ZNF695: variants seen among roughly 807,000 people sequenced by gnomAD.
ZNF695 encodes zinc finger protein 695, also known as zinc finger protein SBZF3.
In ZNF695, 11 loss-of-function variants were observed where a neutral mutation model predicts 11.2. The ratio of observed to expected loss-of-function variants is 0.98; its 90% CI spans 0.62 to 1.62. The LOEUF (loss-of-function observed/expected upper bound fraction) is 1.62, where lower values mean the gene tolerates loss of function less well. Among genes scored for constraint, ZNF695 ranks in the 40% most tolerant of loss-of-function variants. The pLI is 0.00. For missense variants in ZNF695, 559 were observed against 590.5 expected (o/e 0.95, Z 0.55); for synonymous variants, 190 against 201.4 (o/e 0.94, Z 0.48).
At chr1:246,982,392 G>C (rs900236239), downstream of ZNF695, among the ~76,000 whole-genome samples, 3 of 151,788 alleles carry the variant, frequency 2.0e-5, no homozygotes, top group African/African-American at 7.3e-5. Flanking sequence ...TGTGCTGTAA[G>C]TGTTTCATAG....
At chr1:246,952,520 G>C (rs1236879351) in intron 5 of ZNF695, among the ~76,000 whole-genome samples, 2 of 150,542 alleles carry the variant, frequency 1.3e-5, no homozygotes, top group African/African-American at 2.4e-5. Context: ...TGAATGACTA[G>C]AATAAATAAT....
intron 5 of ZNF695, among the ~76,000 whole-genome samples, chr1:246,950,650 CAAA>C (rs200143022): frequency 2.8e-3 from 297 of 105,364 alleles, no homozygotes; most frequent in African/African-American, 0.011. Flanking sequence ...AACTCCGTTT[CAAA>C]AAAAAAAAAA....
chr1:246,968,819 A>G (rs1436736292), intron 4 of ZNF695: 2 of 152,566 alleles, frequency 1.3e-5, no homozygotes, highest in Non-Finnish European at 2.9e-5. Flanking sequence ...AACCTGAAAC[A>G]TATCTGGAGT....
At chr1:246,949,373 C>T (rs571886118) in intron 5 of ZNF695, among the ~76,000 whole-genome samples, 141 of 152,156 alleles carry the variant, frequency 9.3e-4, no homozygotes, top group Admixed American at 3.7e-3. Flanking sequence ...GGCAGCTCAT[C>T]TGAGGTCAGG....
chr1:246,994,620 G>A (rs890661048), intron 3 of ZNF695, among the ~76,000 whole-genome samples: 13 of 152,086 alleles, frequency 8.5e-5, no homozygotes, highest in Middle Eastern at 6.8e-3. Context: ...GGCGGATCAC[G>A]AGGTCAGGAG....
chr1:246,998,510 T>C (rs550500724), intron 3 of ZNF695, among the ~76,000 whole-genome samples: 2 of 152,230 alleles, frequency 1.3e-5, no homozygotes, highest in African/African-American at 4.8e-5. Flanking sequence ...AGTCTTCTGA[T>C]AAAATTACTA....
chr1:246,945,633 T>A (rs528805814), downstream of ZNF695: 11 of 674,882 alleles, frequency 1.6e-5, no homozygotes, highest in Non-Finnish European at 2.5e-5. Flanking sequence ...AAAACCAACA[T>A]GGAAGAACAA....
At chr1:246,958,252 G>A (rs1668055637) in intron 5 of ZNF695, among the ~76,000 whole-genome samples, 1 of 151,916 alleles carries the variant, frequency 6.6e-6, no homozygotes, top group Non-Finnish European at 1.5e-5. Context: ...TAGAGACAGG[G>A]TTTCACCATG....
intron 4 of ZNF695, chr1:246,969,280 T>C (rs777489245): frequency 6.6e-6 from 1 of 152,386 alleles, no homozygotes; most frequent in African/African-American, 2.4e-5. Context: ...ATACCCTAAA[T>C]CATCTCTCTC....
At chr1:246,997,577 T>G (rs1422141531) in intron 3 of ZNF695, among the ~76,000 whole-genome samples, 1 of 151,728 alleles carries the variant, frequency 6.6e-6, no homozygotes, top group Non-Finnish European at 1.5e-5. Context: ...GTAAAATCAA[T>G]AGAAATAAAA....
intron 5 of ZNF695, among the ~76,000 whole-genome samples, chr1:246,951,011 T>TGAC (rs1272036577): frequency 6.6e-6 from 1 of 152,208 alleles, no homozygotes; most frequent in Admixed American, 6.5e-5. Context: ...AACAAAGGTA[T>TGAC]GACTTCATGT....
intron 3 of ZNF695, among the ~76,000 whole-genome samples, chr1:246,995,027 A>G (rs1052829951): frequency 6.6e-6 from 1 of 152,166 alleles, no homozygotes; most frequent in Non-Finnish European, 1.5e-5. Flanking sequence ...ACAGAAATGA[A>G]GCAACAAGTA....
intron 3 of ZNF695, among the ~76,000 whole-genome samples, chr1:246,998,528 C>T (rs1056548333): frequency 1.3e-5 from 2 of 152,166 alleles, no homozygotes; most frequent in Non-Finnish European, 2.9e-5. Flanking sequence ...CTATCAATTT[C>T]TGTAGAATCA....
chr1:246,945,738 T>C lies in ZNF695; in HGVS notation c.*59A>G, dbSNP rs1241860358. On this transcript the variant is annotated 3_prime_UTR_variant, in exon 6 of 6. Transcript: ENST00000487338. ...CAGCTGGACCCGGTGTAAATTCGCCTCACGGAGCAGGGAGTCCAGGCACTG... is the reference window on the plus strand; with the variant it reads ...CAGCTGGACCCGGTGTAAATTCGCCCCACGGAGCAGGGAGTCCAGGCACTG... The C allele has an allele frequency of 1.9e-6, 3 of 1,546,318 alleles. No homozygotes were observed. The African/African-American group carries it at 4.1e-5, about 21-fold the overall frequency.
intron 3 of ZNF695, among the ~76,000 whole-genome samples, chr1:246,988,568 A>G (rs1222072457): frequency 6.6e-6 from 1 of 152,216 alleles, no homozygotes; most frequent in African/African-American, 2.4e-5. Flanking sequence ...CTGAAAGAAA[A>G]AAAACCTTTA....
chr1:246,977,118 A>G (rs1668587807), intron 4 of ZNF695, among the ~76,000 whole-genome samples: 1 of 152,224 alleles, frequency 6.6e-6, no homozygotes, highest in Admixed American at 6.5e-5. Context: ...AGCCCCAGAT[A>G]TAAATGTAAG....
At chr1:246,949,539 C>T (rs914130955) in intron 5 of ZNF695, among the ~76,000 whole-genome samples, 3 of 149,810 alleles carry the variant, frequency 2.0e-5, no homozygotes, top group Non-Finnish European at 3.0e-5. Flanking sequence ...TGCAGTGAGC[C>T]GAGATCATGC....
intron 1 of ZNF695, among the ~76,000 whole-genome samples, chr1:247,004,140 G>A (rs1391995054): frequency 6.6e-6 from 1 of 152,130 alleles, no homozygotes; most frequent in African/African-American, 2.4e-5. Context: ...GAACCCAGAG[G>A]GCGGAGGTTG....
intron 3 of ZNF695, among the ~76,000 whole-genome samples, chr1:246,993,656 T>G (rs1669108795): frequency 6.6e-6 from 1 of 152,000 alleles, no homozygotes; most frequent in African/African-American, 2.4e-5. Context: ...AATATCCAGA[T>G]AGCAACCCTA....
Sources: gnomAD v4.1 joint callset for allele counts (sites outside exome capture counted in the v4.1 genomes callset) on GRCh38, gnomAD v4.1.1 for gene constraint, MANE v1.5 for transcripts, NCBI Gene and HGNC (gene_info 2026-07-23, HGNC 2026-07-21) for gene names.